The following STT3A variants were observed in gnomAD, a reference collection of about 807,000 sequenced individuals.
STT3A encodes the protein dolichyl-diphosphooligosaccharide--protein glycosyltransferase subunit STT3A.
A neutral mutation model predicts 89.2 loss-of-function variants in STT3A; 34 were observed. The observed-to-expected ratio is 0.38, with a 90% CI of 0.29 to 0.51. The LOEUF (loss-of-function observed/expected upper bound fraction) is 0.51, where lower values mean the gene tolerates loss of function less well. STT3A is among the 20% of genes least tolerant of loss of function. STT3A has a pLI of 0.89. For missense variants in STT3A, 555 were observed against 889.5 expected (o/e 0.62, Z 4.78); for synonymous variants, 282 against 310.3 (o/e 0.91, Z 0.96).
At chr11:125,600,853 C>T (rs948329196) in intron 3 of STT3A, among the ~76,000 whole-genome samples, 4 of 152,124 alleles carry the variant, frequency 2.6e-5, no homozygotes, top group Admixed American at 1.3e-4. Context: ...GTGTTGTGAT[C>T]ATGGCTCACT....
intron 3 of STT3A, among the ~76,000 whole-genome samples, chr11:125,601,945 C>T (rs1229303537): frequency 3.3e-5 from 5 of 151,966 alleles, no homozygotes; most frequent in Admixed American, 2.0e-4. Flanking sequence ...ATTACAGGCA[C>T]ATGCCACCGT....
chr11:125,596,314 A>C (rs1939494819), intron 2 of STT3A, among the ~76,000 whole-genome samples: 1 of 152,148 alleles, frequency 6.6e-6, no homozygotes, highest in South Asian at 2.1e-4. Flanking sequence ...AAAATACAAA[A>C]ACTAGTTGAG....
chr11:125,602,725 T>C (rs1440465706), intron 4 of STT3A, 78 bp from the exon 5 acceptor site: 1 of 1,571,006 alleles, frequency 6.4e-7, no homozygotes, highest in East Asian at 2.2e-5. Flanking sequence ...GTCACTTTAT[T>C]GTATCTGGGA....
chr11:125,620,075 T>A lies in STT3A; in HGVS notation c.2028T>A (p.Asp676Glu), dbSNP rs771595862. The change falls in exon 17 of 18, where the codon GAT becomes GAA. Residue 676 changes from aspartate (D) to glutamate (E), a missense_variant. Asp to Glu is a conservative substitution (Grantham distance 45). Around this residue, in one of 5 missense-constraint regions of STT3A, gnomAD observed 273 missense variants for 449.8 expected, o/e 0.61. Transcript: ENST00000392708. ...TTGGGAATAAAGACTTTGAGCTTGATGTCCTGGAGGAAGCATATACCACAG... is the reference window on the plus strand; with the variant it reads ...TTGGGAATAAAGACTTTGAGCTTGAAGTCCTGGAGGAAGCATATACCACAG... Reference protein sequence around the residue: ...AEIGNKDFELDVLEEAYTTEH... With the variant: ...AEIGNKDFELEVLEEAYTTEH... 3.7e-6 allele frequency: 6 copies of A among 1,614,068 alleles called. No individual in the cohort carries two copies. In the East Asian group the frequency reaches 1.3e-4, roughly 36 times the overall value.
chr11:125,618,302 T>A (rs1014608148), intron 15 of STT3A, 71 bp from the exon 16 acceptor site: 4 of 1,414,684 alleles, frequency 2.8e-6, no homozygotes, highest in African/African-American at 1.4e-5. Context: ...GGAATTTTCT[T>A]AGAAATACTA....
intron 3 of STT3A, among the ~76,000 whole-genome samples, chr11:125,597,324 C>T (rs576493536): frequency 6.6e-6 from 1 of 151,728 alleles, no homozygotes; most frequent in African/African-American, 2.4e-5. Context: ...GTGGCTCACA[C>T]CTGTAATCCC....
At chr11:125,598,088 C>T (rs183379319) in intron 3 of STT3A, among the ~76,000 whole-genome samples, 112 of 152,024 alleles carry the variant, frequency 7.4e-4, no homozygotes, top group Non-Finnish European at 1.1e-3. Flanking sequence ...GGCATGTGCC[C>T]GTAATCCCAG....
intron 16 of STT3A, among the ~76,000 whole-genome samples, chr11:125,619,662 C>T (rs1940289072): frequency 6.6e-6 from 1 of 152,138 alleles, no homozygotes; most frequent in Non-Finnish European, 1.5e-5. Flanking sequence ...GAATGCAGGT[C>T]TTTGACTTCT....
chr11:125,594,019 C>T (rs548556060), intron 1 of STT3A, among the ~76,000 whole-genome samples: 27 of 152,050 alleles, frequency 1.8e-4, no homozygotes, highest in Middle Eastern at 3.4e-3. Flanking sequence ...TAATTAACAA[C>T]AAAAATACAC....
chr11:125,604,568 T>C (rs1168212547), intron 6 of STT3A, among the ~76,000 whole-genome samples: 2 of 152,232 alleles, frequency 1.3e-5, no homozygotes, highest in Non-Finnish European at 2.9e-5. Flanking sequence ...ACTGATTGAC[T>C]TATTCTCAAT....
In STT3A at chr11:125,614,047, G is replaced by A; in HGVS notation, c.1555-40G>A. The A allele has an allele frequency of 1.3e-6, 2 of 1,555,786 alleles. No individual in the cohort carries two copies. The highest frequency in any genetic ancestry group is 2.3e-5 in the East Asian group (1 of 42,960). The stretch of plus-strand genomic sequence containing the variant: ...CTGTTGCATTTGATTTTTAGAGACA[G>A]TGAGAAGCTTGTTATTTCCATTTCC... On this transcript the variant is annotated intron_variant, in intron 13 of 17. Transcript: ENST00000392708. The surrounding 1 kb of genome is among the most constrained non-coding windows in gnomAD (Gnocchi z 4.9).
intron 8 of STT3A, 78 bp downstream of exon 8, chr11:125,606,543 C>A: frequency 6.8e-7 from 1 of 1,468,268 alleles, no homozygotes; most frequent in East Asian, 2.3e-5. Flanking sequence ...ATCTTAGATT[C>A]TGTTAAGAAG....
chr11:125,618,497 G>A lies in STT3A; in HGVS notation c.1899G>A (p.Val633=), dbSNP rs765879955. 6.2e-7 allele frequency: 1 copy of A among 1,614,058 alleles called. No individual in the cohort carries two copies. Among genetic ancestry groups the A allele is most frequent in the Non-Finnish European group, 8.5e-7 (1 of 1,180,014 alleles). ...GTGTGGACCGTGAAGGTTCTCCAGT[G>A]CTGCTCAACTGCCTCATGTACAAGA... ...EFRVDREGSP[V]LLNCLMYKMC... is the part of the protein sequence containing the mutation. The change falls in exon 16 of 18, where the codon GTG becomes GTA. Residue 633 remains valine, a synonymous_variant. Transcript: ENST00000392708.
chr11:125,592,009 G>C (rs1939310272), upstream of STT3A: 1 of 165,738 alleles, frequency 6.0e-6, no homozygotes, highest in Admixed American at 6.2e-5. Flanking sequence ...AGGCAAGTTA[G>C]GATAGGGAGA....
chr11:125,594,663 A>G (rs1036697254), intron 1 of STT3A, among the ~76,000 whole-genome samples: 1 of 151,678 alleles, frequency 6.6e-6, no homozygotes, highest in Non-Finnish European at 1.5e-5. Flanking sequence ...CTATATTGCT[A>G]TATAAATAAT....
At position 125,621,634 on chromosome 11, in the gene STT3A, T is replaced by C. The variant is rs1021196434; in HGVS notation, c.*824T>C. ...AGGAATGACCCTTTACTCAAAACTCTTGTGGTTGTTCAAAGGTGAGCTTCT... is the reference window on the plus strand; with the variant it reads ...AGGAATGACCCTTTACTCAAAACTCCTGTGGTTGTTCAAAGGTGAGCTTCT... On this transcript the variant is annotated 3_prime_UTR_variant, in exon 18 of 18. Transcript: ENST00000392708. 6.6e-6 allele frequency: 1 copy of C among 152,228 alleles called. No individual in the cohort carries two copies. Among genetic ancestry groups the C allele is most frequent in the Non-Finnish European group, 1.5e-5 (1 of 68,044 alleles). The allele number at this position is 152,228 out of a possible 1,614,324, so 9.4% of individuals were successfully genotyped here. A position where few individuals can be genotyped will look rare whatever the true frequency, so the allele number is the denominator to read the frequency against.
upstream of STT3A, chr11:125,592,562 G>A (rs899643438): frequency 1.1e-4 from 49 of 446,652 alleles, no homozygotes; most frequent in African/African-American, 9.4e-4. Flanking sequence ...CCGTGGGTCC[G>A]CAAACCGACA....
At position 125,605,533 on chromosome 11, in the gene STT3A, T is replaced by C; in HGVS notation, c.509-96T>C. ...AATTTGCCTAAAATTACACTATTAC[T>C]TGGTAGTAGATCCAGGCAGTCTGTT... On this transcript the variant is annotated intron_variant, in intron 6 of 17. Coordinates refer to ENST00000392708, the MANE Select transcript of STT3A (RefSeq NM_152713.5). The C allele has an allele frequency of 3.7e-6, 3 of 801,098 alleles. No individual in the cohort carries two copies. In the South Asian group the frequency reaches 5.9e-5, roughly 16 times the overall value. 49.6% of individuals were successfully genotyped at this position (801,098 alleles called of 1,614,324 possible).
chr11:125,605,386 T>C (rs1939801407), intron 6 of STT3A, among the ~76,000 whole-genome samples: 1 of 152,214 alleles, frequency 6.6e-6, no homozygotes, highest in Non-Finnish European at 1.5e-5. Flanking sequence ...TTAATGTTTA[T>C]TATATGCTAG....
Sources: allele counts gnomAD v4.1 joint callset (sites outside exome capture counted in the v4.1 genomes callset), GRCh38; gene constraint gnomAD v4.1.1; regional missense constraint gnomAD v4.1.1; non-coding constraint Gnocchi (gnomAD v3.1); transcripts MANE v1.5; gene names NCBI Gene and HGNC (gene_info 2026-07-23, HGNC 2026-07-21).